The following ROBO2 variants were observed in gnomAD, a reference collection of about 807,000 sequenced individuals.
ROBO2 encodes roundabout homolog 2.
In ROBO2, 53 loss-of-function variants were observed where a neutral mutation model predicts 160.8. The observed-to-expected ratio is 0.33, with a 90% CI of 0.26 to 0.41. ROBO2 has a LOEUF of 0.41. ROBO2 is among the 10% of genes least tolerant of loss of function. The pLI is 1.00. For missense variants in ROBO2, 1,577 were observed against 1,722.4 expected, an observed-to-expected ratio of 0.92 and a Z score of 1.49; for synonymous variants, 664 against 611.7, an observed-to-expected ratio of 1.09 and a Z score of -1.26.
intron 2 of ROBO2, among the ~76,000 whole-genome samples, chr3:76,237,897 T>C (rs929907355): frequency 2.0e-5 from 3 of 152,188 alleles, no homozygotes; most frequent in Admixed American, 2.0e-4. Context: ...TCAAACCTTG[T>C]GGCTGAGATT....
intron 2 of ROBO2, among the ~76,000 whole-genome samples, chr3:76,891,059 A>G (rs184147353): frequency 8.9e-4 from 135 of 152,274 alleles, no homozygotes; most frequent in African/African-American, 2.8e-3. Context: ...TCAGCTTCAA[A>G]ATCTCATGAT....
intron 2 of ROBO2, among the ~76,000 whole-genome samples, chr3:76,773,896 G>A (rs912248948): frequency 6.6e-6 from 1 of 150,774 alleles, no homozygotes; most frequent in South Asian, 2.1e-4. Flanking sequence ...AATAACATGA[G>A]CTATAAATTA....
At chr3:77,082,956 C>CTCCA (rs1428500793) in intron 1 of ROBO2, among the ~76,000 whole-genome samples, 1 of 152,030 alleles carries the variant, frequency 6.6e-6, no homozygotes, top group Non-Finnish European at 1.5e-5. Context: ...ATATCAGTGC[C>CTCCA]TCCATCATCA....
At position 77,473,440 on chromosome 3, in the gene ROBO2, C is replaced by CTTTTTTTTTTTTT. The variant is rs71104688; in HGVS notation, c.389-3949_389-3937dup. 1.7e-4 allele frequency among the ~76,000 whole-genome samples: 13 copies of CTTTTTTTTTTTTT among 77,934 alleles called. 1 individual carries two copies. The highest frequency in any genetic ancestry group is 4.7e-4 in the African/African-American group (10 of 21,502). 51.1% of individuals were successfully genotyped at this position (77,934 alleles called of 152,430 possible). ...CTGCAGTTCGATTTTACAAACTGCT[C>CTTTTTTTTTTTTT]TTTTTTTTTTTTTTTTTTTTTTTTT... On this transcript the variant is annotated intron_variant, in intron 2 of 25. Transcript: ENST00000461745.
At chr3:76,698,428 G>T (rs1347249557) in intron 2 of ROBO2, among the ~76,000 whole-genome samples, 1 of 152,144 alleles carries the variant, frequency 6.6e-6, no homozygotes, top group Non-Finnish European at 1.5e-5. Context: ...GGGTGGGGGA[G>T]CCCTCATGTG....
At chr3:77,257,753 A>G (rs1488511034) in intron 2 of ROBO2, among the ~76,000 whole-genome samples, 1 of 152,196 alleles carries the variant, frequency 6.6e-6, no homozygotes, top group Non-Finnish European at 1.5e-5. Flanking sequence ...TTCTAATTCC[A>G]ACTTACAAGA....
intron 1 of ROBO2, among the ~76,000 whole-genome samples, chr3:77,067,083 C>T (rs1006291340): frequency 3.4e-4 from 51 of 150,334 alleles, no homozygotes; most frequent in African/African-American, 1.1e-3. Context: ...CACAAAACAG[C>T]TTGCCTTTGT....
chr3:77,292,059 G>C (rs1252297991), intron 2 of ROBO2, among the ~76,000 whole-genome samples: 1 of 151,444 alleles, frequency 6.6e-6, no homozygotes, highest in Non-Finnish European at 1.5e-5. Flanking sequence ...CGGGTAAGCT[G>C]AGACTAGTTC....
At chr3:76,788,762 T>A (rs888143854) in intron 2 of ROBO2, among the ~76,000 whole-genome samples, 3 of 151,584 alleles carry the variant, frequency 2.0e-5, no homozygotes, top group African/African-American at 4.8e-5. Context: ...GCTTCAAAGA[T>A]GTCCACTAAT....
At chr3:76,796,933 A>G (rs1419858943) in intron 2 of ROBO2, among the ~76,000 whole-genome samples, 4 of 152,136 alleles carry the variant, frequency 2.6e-5, no homozygotes, top group Non-Finnish European at 5.9e-5. Flanking sequence ...ACATTGGAGC[A>G]CCCAGATATA....
intron 2 of ROBO2, among the ~76,000 whole-genome samples, chr3:76,128,361 T>C (rs576300135): frequency 2.0e-5 from 3 of 152,108 alleles, no homozygotes; most frequent in Non-Finnish European, 4.4e-5. Flanking sequence ...ATGAAGTGAA[T>C]GATCTTAAAC....
At chr3:77,101,552 G>A (rs2071933690) in intron 2 of ROBO2, among the ~76,000 whole-genome samples, 1 of 152,158 alleles carries the variant, frequency 6.6e-6, no homozygotes, top group African/African-American at 2.4e-5. Context: ...AGAAGTAGAT[G>A]TGATTTCCAG....
chr3:76,945,123 C>G (rs556268154), intron 2 of ROBO2, among the ~76,000 whole-genome samples: 1 of 152,130 alleles, frequency 6.6e-6, no homozygotes, highest in East Asian at 1.9e-4. Context: ...CTCCTGACCT[C>G]GTGATCCGCC....
intron 2 of ROBO2, among the ~76,000 whole-genome samples, chr3:76,950,033 T>G (rs2078865924): frequency 6.6e-6 from 1 of 152,212 alleles, no homozygotes; most frequent in Admixed American, 6.5e-5. Flanking sequence ...TTCTCAGCAT[T>G]TCTCTTTTTG....
intron 2 of ROBO2, among the ~76,000 whole-genome samples, chr3:77,204,080 T>C (rs1013029105): frequency 6.6e-6 from 1 of 152,134 alleles, no homozygotes; most frequent in East Asian, 1.9e-4. Flanking sequence ...AGAAAGTAAA[T>C]AAGAATGACT....
chr3:76,993,113 C>A (rs890360730), intron 2 of ROBO2, among the ~76,000 whole-genome samples: 4 of 152,050 alleles, frequency 2.6e-5, no homozygotes, highest in African/African-American at 9.7e-5. Context: ...CCACTGTGCC[C>A]AGCCTAAAAT....
At chr3:76,740,015 A>G (rs1045500580) in intron 2 of ROBO2, among the ~76,000 whole-genome samples, 5 of 152,196 alleles carry the variant, frequency 3.3e-5, no homozygotes, top group African/African-American at 9.6e-5. Context: ...GTTTTTGAAC[A>G]TATCTTTTTG....
chr3:76,619,452 G>A (rs546056250), intron 2 of ROBO2, among the ~76,000 whole-genome samples: 4 of 151,922 alleles, frequency 2.6e-5, no homozygotes, highest in Non-Finnish European at 4.4e-5. Flanking sequence ...AAAAGATATC[G>A]AGTTTATGTT....
chr3:77,596,815 C>G (rs1237475144), intron 19 of ROBO2, 65 bp downstream of exon 20: 2 of 1,582,040 alleles, frequency 1.3e-6, no homozygotes, highest in Non-Finnish European at 1.7e-6. Flanking sequence ...TTTTGACCTT[C>G]CTGGATTTTT....
Sources: allele counts gnomAD v4.1 joint callset (sites outside exome capture counted in the v4.1 genomes callset), GRCh38; gene constraint gnomAD v4.1.1; transcripts MANE v1.5; gene names NCBI Gene and HGNC (gene_info 2026-07-23, HGNC 2026-07-21).